CTNNA3: variants seen among roughly 807,000 people sequenced by gnomAD.
The protein encoded by CTNNA3 is catenin alpha-3.
CTNNA3 carries 76 observed loss-of-function variants against 95.7 expected under a neutral mutation model. The ratio of observed to expected loss-of-function variants is 0.79; its 90% confidence interval spans 0.66 to 0.96. CTNNA3 has a LOEUF of 0.96. Among genes scored for constraint, CTNNA3 ranks in the 40% least tolerant of loss-of-function variants. The pLI, the probability that CTNNA3 is intolerant of heterozygous loss-of-function variation, is 0.00. For synonymous variants in CTNNA3, 431 were observed against 374.4 expected (o/e 1.15, Z -1.74); for missense variants, 1,191 against 1,089.8 (o/e 1.09, Z -1.31).
intron 5 of CTNNA3, among the ~76,000 whole-genome samples, chr10:67,503,586 A>G (rs10823049): frequency 0.074 from 11,255 of 152,204 alleles, 501 homozygotes; most frequent in South Asian, 0.14. Context: ...ATTGTTCTTC[A>G]GTGTTGCCAA....
At chr10:67,527,686 G>C (rs1411730266) in intron 4 of CTNNA3, among the ~76,000 whole-genome samples, 1 of 152,168 alleles carries the variant, frequency 6.6e-6, no homozygotes, top group Non-Finnish European at 1.5e-5. Context: ...GATGAATGTG[G>C]ATTTACCAGT....
chr10:67,000,869 A>C (rs1851645673), intron 7 of CTNNA3, among the ~76,000 whole-genome samples: 1 of 152,160 alleles, frequency 6.6e-6, no homozygotes, highest in Non-Finnish European at 1.5e-5. Context: ...TGTCTAGCCA[A>C]AGTCAATTAC....
At chr10:66,255,291 C>T (rs563799897) in intron 13 of CTNNA3, among the ~76,000 whole-genome samples, 7 of 152,286 alleles carry the variant, frequency 4.6e-5, no homozygotes, top group South Asian at 4.2e-4. Flanking sequence ...CAAAATCCCT[C>T]GCAGGCACTT....
intron 9 of CTNNA3, among the ~76,000 whole-genome samples, chr10:66,726,450 A>G (rs1848784471): frequency 6.6e-6 from 1 of 152,124 alleles, no homozygotes; most frequent in Admixed American, 6.6e-5. Context: ...TAAAGTTCCT[A>G]TAACAATTGA....
chr10:66,659,912 G>T (rs1846201992), intron 9 of CTNNA3, among the ~76,000 whole-genome samples: 1 of 152,074 alleles, frequency 6.6e-6, no homozygotes, highest in Admixed American at 6.6e-5. Flanking sequence ...GACCCTAGGA[G>T]ATTTAATGAA....
chr10:66,967,602 T>C (rs185105530), intron 7 of CTNNA3, among the ~76,000 whole-genome samples: 2 of 152,148 alleles, frequency 1.3e-5, no homozygotes, highest in East Asian at 3.9e-4. Context: ...GGCGGGACTA[T>C]GTAAAACAGT....
intron 7 of CTNNA3, among the ~76,000 whole-genome samples, chr10:67,051,758 ATTT>A (rs10582679): frequency 0.45 from 64,895 of 144,950 alleles, 14,654 homozygotes; most frequent in Middle Eastern, 0.62. Context: ...CTATCCTACA[ATTT>A]TTTTTTTTTT....
intron 12 of CTNNA3, among the ~76,000 whole-genome samples, chr10:66,363,722 T>C (rs12775011): frequency 0.11 from 16,093 of 152,266 alleles, 1,050 homozygotes; most frequent in East Asian, 0.26. Context: ...TTTTCTGTGA[T>C]TTATGTTTTA....
intron 5 of CTNNA3, among the ~76,000 whole-genome samples, chr10:67,237,171 T>TATATATAC (rs1865523659): frequency 8.7e-6 from 1 of 115,330 alleles, no homozygotes; most frequent in Non-Finnish European, 1.8e-5. Context: ...TATATATATA[T>TATATATAC]ATACACACAC....
chr10:66,039,365 T>C (rs1482674725), intron 15 of CTNNA3, among the ~76,000 whole-genome samples: 3 of 152,190 alleles, frequency 2.0e-5, no homozygotes, highest in African/African-American at 7.2e-5. Context: ...AAGGATATTC[T>C]TCACAGATGA....
At chr10:66,556,044 A>C (rs1842379003) in intron 10 of CTNNA3, among the ~76,000 whole-genome samples, 1 of 152,036 alleles carries the variant, frequency 6.6e-6, no homozygotes, top group Non-Finnish European at 1.5e-5. Flanking sequence ...ACAAAAGCAA[A>C]AGCATAAGCA....
intron 9 of CTNNA3, among the ~76,000 whole-genome samples, chr10:66,627,390 G>C (rs971010664): frequency 6.6e-6 from 1 of 152,062 alleles, no homozygotes; most frequent in Admixed American, 6.6e-5. Context: ...GCCACCTACA[G>C]CCCTGAATCA....
chr10:66,537,492 A>G, intron 10 of CTNNA3, among the ~76,000 whole-genome samples: 1 of 151,862 alleles, frequency 6.6e-6, no homozygotes, highest in Admixed American at 6.6e-5. Flanking sequence ...CTCAAGGCAA[A>G]CTTGTATGAC....
chr10:66,254,239 T>C (rs148284166), intron 13 of CTNNA3, among the ~76,000 whole-genome samples: 199 of 152,296 alleles, frequency 1.3e-3, no homozygotes, highest in African/African-American at 4.8e-3. Flanking sequence ...CTGAGGAATT[T>C]AGAAGTAATT....
At chr10:67,268,515 GAACA>G (rs1210072788) in intron 5 of CTNNA3, among the ~76,000 whole-genome samples, 16 of 152,028 alleles carry the variant, frequency 1.1e-4, no homozygotes, top group Non-Finnish European at 1.6e-4. Flanking sequence ...CCCAGCCTCT[GAACA>G]AACAAACAAA....
intron 13 of CTNNA3, among the ~76,000 whole-genome samples, chr10:66,104,398 A>G (rs1246241094): frequency 6.6e-6 from 1 of 152,212 alleles, no homozygotes. Context: ...GTGCTTAACA[A>G]GAATTAGCCT....
At chr10:67,529,743 C>A (rs1170392843) in intron 4 of CTNNA3, among the ~76,000 whole-genome samples, 2 of 151,986 alleles carry the variant, frequency 1.3e-5, no homozygotes, top group Non-Finnish European at 2.9e-5. Flanking sequence ...ATAGGAAATT[C>A]ATGACAAATC....
chr10:67,215,909 T>C (rs552515368), intron 6 of CTNNA3, among the ~76,000 whole-genome samples: 1 of 152,292 alleles, frequency 6.6e-6, no homozygotes, highest in South Asian at 2.1e-4. Flanking sequence ...AATGCTGGTG[T>C]TGGCTCACTA....
intron 7 of CTNNA3, among the ~76,000 whole-genome samples, chr10:66,906,701 G>C (rs1846002102): frequency 6.6e-6 from 1 of 152,002 alleles, no homozygotes; most frequent in Non-Finnish European, 1.5e-5. Context: ...ACTGGTATTT[G>C]ATTCGAAGTC....
Sources: allele counts gnomAD v4.1 joint callset (sites outside exome capture counted in the v4.1 genomes callset), GRCh38; gene constraint gnomAD v4.1.1; transcripts MANE v1.5; gene names NCBI Gene and HGNC (gene_info 2026-07-23, HGNC 2026-07-21).